The following PARD3 variants were observed in gnomAD, a reference collection of about 807,000 sequenced individuals.
PARD3 encodes partitioning defective 3 homolog.
PARD3 carries 75 observed loss-of-function variants against 155.4 expected under a neutral mutation model. The observed-to-expected ratio is 0.48, with a 90% CI of 0.40 to 0.58. The LOEUF (loss-of-function observed/expected upper bound fraction) is 0.58, where lower values mean the gene tolerates loss of function less well. PARD3 is among the 20% of genes least tolerant of loss of function. PARD3 has a pLI of 0.00. For synonymous variants in PARD3, 576 were observed against 610.5 expected, an observed-to-expected ratio of 0.94 and a Z score of 0.83; for missense variants, 1,642 against 1,721.7, an observed-to-expected ratio of 0.95 and a Z score of 0.82.
At chr10:34,559,310 C>T (rs1367181157) in intron 2 of PARD3, among the ~76,000 whole-genome samples, 2 of 152,060 alleles carry the variant, frequency 1.3e-5, no homozygotes, top group Non-Finnish European at 2.9e-5. Context: ...TTCTAAAACC[C>T]ATGCCTTCGG....
chr10:34,241,109 A>G (rs12762239), intron 22 of PARD3, among the ~76,000 whole-genome samples: 10,259 of 152,266 alleles, frequency 0.067, 469 homozygotes, highest in Non-Finnish European at 0.095. Context: ...ATATGGATCT[A>G]TGTATAAAAA....
intron 5 of PARD3, among the ~76,000 whole-genome samples, chr10:34,441,884 A>C (rs2132664672): frequency 6.6e-6 from 1 of 152,338 alleles, no homozygotes; most frequent in Admixed American, 6.5e-5. Flanking sequence ...TATCCAGGTA[A>C]CAAGTCTCTT....
intron 22 of PARD3, among the ~76,000 whole-genome samples, chr10:34,223,056 G>C (rs1333533624): frequency 6.6e-6 from 1 of 152,138 alleles, no homozygotes; most frequent in African/African-American, 2.4e-5. Context: ...TGTTCGGTAA[G>C]TCCCACAGTT....
intron 1 of PARD3, among the ~76,000 whole-genome samples, chr10:34,720,448 C>CAAAAAAAA (rs10603866): frequency 1.8e-5 from 1 of 56,872 alleles, no homozygotes; most frequent in African/African-American, 6.8e-5. Context: ...AAGGCTCTGT[C>CAAAAAAAA]AAAAAAAAAA....
chr10:34,276,663 C>T (rs988300338), intron 21 of PARD3, among the ~76,000 whole-genome samples: 1 of 152,056 alleles, frequency 6.6e-6, no homozygotes, highest in Non-Finnish European at 1.5e-5. Flanking sequence ...GAATAACCAC[C>T]GAAGTGACCA....
intron 22 of PARD3, among the ~76,000 whole-genome samples, chr10:34,208,620 G>C (rs1024241087): frequency 6.6e-6 from 1 of 152,210 alleles, no homozygotes; most frequent in East Asian, 1.9e-4. Flanking sequence ...GGTAGGCAAA[G>C]ATGGCTACAG....
At chr10:34,400,599 C>A (rs970635682) in intron 6 of PARD3, among the ~76,000 whole-genome samples, 2 of 152,054 alleles carry the variant, frequency 1.3e-5, no homozygotes, top group African/African-American at 4.8e-5. Context: ...ATGAATTTCA[C>A]AAAGATCACA....
At chr10:34,420,834 G>A (rs1334296701) in intron 5 of PARD3, among the ~76,000 whole-genome samples, 1 of 152,170 alleles carries the variant, frequency 6.6e-6, no homozygotes, top group East Asian at 1.9e-4. Context: ...ATATATGCAT[G>A]TTAACATGTT....
At chr10:34,355,950 AACAAAACCAAAC>A (rs1564622714) in intron 14 of PARD3, among the ~76,000 whole-genome samples, 14 of 128,116 alleles carry the variant, frequency 1.1e-4, no homozygotes, top group African/African-American at 4.7e-4. Context: ...AAAAAAACAA[AACAAAACCAAAC>A]AAAAAAACAG....
intron 22 of PARD3, among the ~76,000 whole-genome samples, chr10:34,243,511 T>A (rs1250379116): frequency 1.3e-5 from 2 of 152,182 alleles, no homozygotes; most frequent in Non-Finnish European, 2.9e-5. Context: ...CTCATTGAAG[T>A]CTGAAGATCT....
chr10:34,545,103 C>T (rs1463385376), intron 2 of PARD3, among the ~76,000 whole-genome samples: 1 of 152,132 alleles, frequency 6.6e-6, no homozygotes, highest in Admixed American at 6.5e-5. Context: ...GTTCCCTCTT[C>T]AAAAAATAGG....
chr10:34,635,301 T>C (rs980438598), intron 2 of PARD3, among the ~76,000 whole-genome samples: 5 of 152,216 alleles, frequency 3.3e-5, no homozygotes, highest in African/African-American at 7.2e-5. Context: ...CCAGAAAGTA[T>C]TGGGCAATAA....
At chr10:34,806,497 G>T (rs1005573785) in intron 1 of PARD3, among the ~76,000 whole-genome samples, 1 of 151,964 alleles carries the variant, frequency 6.6e-6, no homozygotes, top group African/African-American at 2.4e-5. Flanking sequence ...CCTATGCCTG[G>T]CTAATTTTTT....
In PARD3 at chr10:34,674,478, ATTTTTTTTTTT is replaced by A. The variant is rs11402018; in HGVS notation, c.222+21829_222+21839del. On this transcript the variant is annotated intron_variant, in intron 2 of 24. Transcript: ENST00000374788. ...TTCTTCTACCACCTGCACGCTCTTG[ATTTTTTTTTTT>A]TTTTTTTTTTTTTTTGAGGCAAAGT... Among the ~76,000 whole-genome samples, 6 of 79,528 alleles carry A rather than the reference ATTTTTTTTTTT, an allele frequency of 7.5e-5. 1 individual carries two copies. The Admixed American group carries it at 8.2e-4, about 11-fold the overall frequency. The allele number at this position is 79,528 out of a possible 152,430, so 52.2% of individuals were successfully genotyped here.
chr10:34,745,877 G>C (rs1400119224), intron 1 of PARD3, among the ~76,000 whole-genome samples: 5 of 152,182 alleles, frequency 3.3e-5, no homozygotes, highest in African/African-American at 1.2e-4. Context: ...AAGGCACGCA[G>C]ATCACGAGGT....
intron 2 of PARD3, among the ~76,000 whole-genome samples, chr10:34,604,864 A>G (rs1331477371): frequency 6.6e-6 from 1 of 151,986 alleles, no homozygotes; most frequent in Non-Finnish European, 1.5e-5. Flanking sequence ...ATTACTCATT[A>G]CTGGACAGAT....
chr10:34,247,833 T>C (rs760210236), intron 22 of PARD3, among the ~76,000 whole-genome samples: 1 of 152,354 alleles, frequency 6.6e-6, no homozygotes, highest in East Asian at 1.9e-4. Context: ...AAAAGTACGG[T>C]CATCTTCCTT....
chr10:34,788,492 CA>C (rs1338234533), intron 1 of PARD3, among the ~76,000 whole-genome samples: 7 of 151,660 alleles, frequency 4.6e-5, no homozygotes, highest in Admixed American at 3.9e-4. Context: ...CTCTGTCACC[CA>C]AGCTGGAGTG....
chr10:34,135,996 C>A (rs1947876380), intron 22 of PARD3, among the ~76,000 whole-genome samples: 1 of 152,210 alleles, frequency 6.6e-6, no homozygotes, highest in African/African-American at 2.4e-5. Flanking sequence ...AGACAGCTTT[C>A]TCTCCCAAAT....
Sources: allele counts gnomAD v4.1 joint callset (sites outside exome capture counted in the v4.1 genomes callset), GRCh38; gene constraint gnomAD v4.1.1; transcripts MANE v1.5; gene names NCBI Gene and HGNC (gene_info 2026-07-23, HGNC 2026-07-21).